BARD1: variants seen among roughly 807,000 people sequenced by gnomAD.
BARD1 encodes BRCA1-associated RING domain protein 1.
Under a neutral mutation model 77.0 loss-of-function variants are expected in BARD1, and 73 were observed. The observed-to-expected ratio is 0.95, with a 90% CI of 0.79 to 1.15. The LOEUF is 1.15. Ranked by LOEUF, BARD1 falls within the 50% of genes most tolerant of loss-of-function variation. The pLI, the probability that BARD1 is intolerant of heterozygous loss-of-function variation, is 0.00. For missense variants in BARD1, 993 were observed against 938.8 expected (o/e 1.06, Z -0.75); for synonymous variants, 384 against 338.0 (o/e 1.14, Z -1.49).
intron 1 of BARD1, among the ~76,000 whole-genome samples, chr2:214,804,505 T>C (rs1043249855): frequency 4.6e-5 from 7 of 152,206 alleles, no homozygotes; most frequent in Admixed American, 1.3e-4. Flanking sequence ...GAAGATACGA[T>C]ACAAGCTGAA....
At chr2:214,768,334 C>T (rs2106078876) in intron 5 of BARD1, among the ~76,000 whole-genome samples, 1 of 152,314 alleles carries the variant, frequency 6.6e-6, no homozygotes, top group East Asian at 1.9e-4. Flanking sequence ...ATATCACACT[C>T]AACATCTGTA....
Position 214,745,829 on chromosome 2 carries a change from C to T in BARD1, c.1703G>A (p.Gly568Glu). ...CCCACTGCCTATAAGTACAAGAGGT[C>T]CATCCCTACGCTGCCCAGTGTTCAT... ...SVMNTGQRRD[G>E]PLVLIGSGLS... The change falls in exon 8 of 11, where the codon GGA becomes GAA. Residue 568 changes from glycine (G) to glutamate (E), a missense_variant. Coordinates refer to ENST00000260947, the MANE Select transcript of BARD1 (RefSeq NM_000465.4). The T allele has an allele frequency of 6.2e-7, 1 of 1,614,008 alleles. No individual in the cohort carries two copies. Among genetic ancestry groups the T allele is most frequent in the Non-Finnish European group, 8.5e-7 (1 of 1,179,962 alleles).
rs774325249 is a variant in BARD1, at chr2:214,752,430, G to A, written c.1677+17C>T. On this transcript the variant is annotated intron_variant, in intron 7 of 10. Transcript: ENST00000260947. ...TAATAAAATATATAAATGTCCCAAA[G>A]CTAAATCCATACTTACTACTGAGCA... The A allele has an allele frequency of 1.5e-5, 23 of 1,580,300 alleles. No homozygotes were observed. The highest frequency in any genetic ancestry group is 2.0e-5 in the Non-Finnish European group (23 of 1,149,446).
Position 214,780,663 on chromosome 2 carries a change from T to C in BARD1, c.1211A>G (p.Tyr404Cys), listed in dbSNP as rs1559423578. The change falls in exon 4 of 11, where the codon TAC (tyrosine) becomes TGC (cysteine). Residue 404 changes from tyrosine (Y) to cysteine (C), a missense_variant. Transcript: ENST00000260947. ...TPPSTLSSSS[Y>C]RRVMSSPSAM... ...TGAGGGACTAGACATCACTCGCCTG[T>C]AACTTGAACTACTTAATGTAGAAGG... 1.2e-6 allele frequency: 2 copies of C among 1,614,116 alleles called. No individual in the cohort carries two copies. The highest frequency in any genetic ancestry group is 1.7e-6 in the Non-Finnish European group (2 of 1,179,984).
rs148296941 is a variant in BARD1, at chr2:214,786,570, CAGGCTTTGAAAA to C, written c.365-5073_365-5062del. Among the ~76,000 whole-genome samples the C allele has an allele frequency of 5.6e-3, 849 of 152,002 alleles. 7 individuals carry two copies. Among genetic ancestry groups the C allele is most frequent in the African/African-American group, 0.019 (801 of 41,532 alleles). On this transcript the variant is annotated intron_variant, in intron 3 of 10. Coordinates refer to ENST00000260947, the MANE Select transcript of BARD1 (RefSeq NM_000465.4). Reference sequence around the variant, plus strand: ...TAAACAGGTAAGAAGAAATGGGAAACAGGCTTTGAAAAATAAAATAATTAGTACTTAACTCTA... The same window carrying C: ...TAAACAGGTAAGAAGAAATGGGAAACATAAAATAATTAGTACTTAACTCTA...
chr2:214,764,207 T>G (rs1694091055), intron 6 of BARD1, among the ~76,000 whole-genome samples: 1 of 152,206 alleles, frequency 6.6e-6, no homozygotes, highest in Non-Finnish European at 1.5e-5. Context: ...TACCATAATC[T>G]TCATTCATTC....
intron 6 of BARD1, among the ~76,000 whole-genome samples, chr2:214,764,477 C>G (rs1355504573): frequency 6.6e-6 from 1 of 151,968 alleles, no homozygotes; most frequent in East Asian, 1.9e-4. Context: ...TGTACAAAGG[C>G]TAGGAGGTAA....
Position 214,728,720 on chromosome 2 carries a change from TA to T in BARD1, c.2289del (p.Phe763LeufsTer2), listed in dbSNP as rs1429930469. ...GKVWKAPSSW[F>X]IDCVMSFELL... ...AACTCAAAGGACATCACACAGTCTA[TA>T]AACCAGCTCGAAGGAGCCTTCCAGA... On this transcript the variant is annotated frameshift_variant, in exon 11 of 11. Coordinates refer to ENST00000260947, the MANE Select transcript of BARD1 (RefSeq NM_000465.4). LOFTEE classifies it high-confidence loss of function. The T allele has an allele frequency of 6.2e-7, 1 of 1,614,072 alleles. No homozygotes were observed. Among genetic ancestry groups the T allele is most frequent in the Non-Finnish European group, 8.5e-7 (1 of 1,180,038 alleles).
chr2:214,786,845 G>GT (rs1374659904), intron 3 of BARD1, among the ~76,000 whole-genome samples: 4 of 151,966 alleles, frequency 2.6e-5, no homozygotes, highest in Non-Finnish European at 4.4e-5. Context: ...ATCTTGGAAA[G>GT]TATCAGAATG....
intron 7 of BARD1, among the ~76,000 whole-genome samples, chr2:214,746,329 G>C (rs1693113964): frequency 6.6e-6 from 1 of 152,048 alleles, no homozygotes; most frequent in African/African-American, 2.4e-5. Flanking sequence ...AAACAAATTA[G>C]CATCAAAATA....
chr2:214,780,440 G>T, intron 4 of BARD1, 120 bp downstream of exon 4: 1 of 867,978 alleles, frequency 1.2e-6, no homozygotes. Flanking sequence ...TTCAGAGGAA[G>T]TATCATGTCT....
intron 1 of BARD1, among the ~76,000 whole-genome samples, chr2:214,799,938 A>G (rs1325377324): frequency 6.6e-6 from 1 of 152,156 alleles, no homozygotes; most frequent in East Asian, 1.9e-4. Context: ...TTCTTTCCTG[A>G]AACCTTTCCT....
At chr2:214,798,772 G>GAAAAAAA (rs10707828) in intron 1 of BARD1, among the ~76,000 whole-genome samples, 7 of 127,494 alleles carry the variant, frequency 5.5e-5, no homozygotes, top group Non-Finnish European at 8.2e-5. Flanking sequence ...ATTAAAAAAA[G>GAAAAAAA]AAAAAAAAAA....
At chr2:214,748,033 T>A (rs979844028) in intron 7 of BARD1, among the ~76,000 whole-genome samples, 3 of 152,092 alleles carry the variant, frequency 2.0e-5, no homozygotes, top group Non-Finnish European at 4.4e-5. Context: ...AACACATTAC[T>A]TCTCAATTTA....
At chr2:214,797,272 T>C (rs1695802721) in intron 1 of BARD1, among the ~76,000 whole-genome samples, 155 bp from the exon 2 acceptor site, 1 of 152,236 alleles carries the variant, frequency 6.6e-6, no homozygotes, top group Non-Finnish European at 1.5e-5. Context: ...TGTTACTCCC[T>C]GGTTAAATAT....
chr2:214,764,325 C>G (rs537308617), intron 6 of BARD1, among the ~76,000 whole-genome samples: 2 of 152,000 alleles, frequency 1.3e-5, no homozygotes, highest in Non-Finnish European at 2.9e-5. Flanking sequence ...TACAGCCTCA[C>G]GAGAAGGGAG....
chr2:214,758,550 T>A (rs899934171), intron 6 of BARD1, among the ~76,000 whole-genome samples: 2 of 152,220 alleles, frequency 1.3e-5, no homozygotes, highest in African/African-American at 4.8e-5. Flanking sequence ...TAAGGGAAAG[T>A]ATAGAATTAT....
chr2:214,797,207 A>G (rs527762781), intron 1 of BARD1, 90 bp from the exon 2 acceptor site: 15 of 1,015,526 alleles, frequency 1.5e-5, no homozygotes, highest in Non-Finnish European at 2.0e-5. Flanking sequence ...CAACACTACC[A>G]TATTTCTCAC....
intron 9 of BARD1, among the ~76,000 whole-genome samples, chr2:214,731,651 T>G (rs1692362163): frequency 6.6e-6 from 1 of 152,236 alleles, no homozygotes; most frequent in African/African-American, 2.4e-5. Context: ...TGAATTATCT[T>G]CATCATAAAA....
Sources: gnomAD v4.1 joint callset for allele counts (sites outside exome capture counted in the v4.1 genomes callset) on GRCh38, gnomAD v4.1.1 for gene constraint, MANE v1.5 for transcripts, NCBI Gene and HGNC (gene_info 2026-07-23, HGNC 2026-07-21) for gene names.